HNF4G: variants seen among roughly 807,000 people sequenced by gnomAD.
The protein encoded by HNF4G is hepatocyte nuclear factor 4 gamma.
A neutral mutation model predicts 50.9 loss-of-function variants in HNF4G; 21 were observed. The ratio of observed to expected loss-of-function variants is 0.41; its 90% CI spans 0.29 to 0.59. The LOEUF (loss-of-function observed/expected upper bound fraction) is 0.59. HNF4G is among the 20% of genes least tolerant of loss of function. HNF4G has a pLI of 0.26. For missense variants in HNF4G, 527 were observed against 559.4 expected, an observed-to-expected ratio of 0.94 and a Z score of 0.58; for synonymous variants, 198 against 185.6, an observed-to-expected ratio of 1.07 and a Z score of -0.54.
chr8:75,564,041 C>T lies in HNF4G; in HGVS notation c.1313C>T (p.Ala438Val), dbSNP rs1431347415. ...GSGQEQYKIAANQASVISHQH... is the reference protein window; with the variant it reads ...GSGQEQYKIAVNQASVISHQH... ...GGGCAAGAACAGTACAAAATAGCTG[C>T]AAACCAAGCATCAGTCATTTCACAC... The change falls in exon 10 of 10, where the codon GCA (alanine) becomes GTA (valine). Residue 438 changes from alanine (A) to valine (V), a missense_variant. Around this residue, in one of 5 missense-constraint regions of HNF4G, gnomAD observed 308 missense variants for 301.5 expected, o/e 1.02. Coordinates refer to ENST00000396423, the MANE Select transcript of HNF4G (RefSeq NM_004133.5). 9 of 1,613,658 alleles carry T rather than the reference C, an allele frequency of 5.6e-6. No homozygotes were observed. Among genetic ancestry groups the T allele is most frequent in the Non-Finnish European group, 5.9e-6 (7 of 1,179,668 alleles).
intron 1 of HNF4G, among the ~76,000 whole-genome samples, chr8:75,429,261 C>T (rs1338407887): frequency 6.6e-6 from 1 of 152,152 alleles, no homozygotes; most frequent in African/African-American, 2.4e-5. Flanking sequence ...GGATCAGGTA[C>T]TGACTCAATT....
rs564964102 is a variant in HNF4G, at chr8:75,415,441, A to G, written c.-144+7279A>G. Among the ~76,000 whole-genome samples, 108 of 152,310 alleles carry G rather than the reference A, an allele frequency of 7.1e-4. No homozygotes were observed. In the South Asian group the frequency reaches 0.014, roughly 20 times the overall value. On this transcript the variant is annotated intron_variant, in intron 1 of 10. Coordinates refer to the HNF4G transcript ENST00000354370. Reference sequence around the variant, plus strand: ...AAAAAATTGGATTTATGAGGCCTCAATATGGAGTAAAATAGAAAAAGGTGA... The same window carrying G: ...AAAAAATTGGATTTATGAGGCCTCAGTATGGAGTAAAATAGAAAAAGGTGA...
chr8:75,500,303 AT>A (rs574387393), intron 2 of HNF4G, among the ~76,000 whole-genome samples: 24 of 152,190 alleles, frequency 1.6e-4, no homozygotes, highest in Non-Finnish European at 2.9e-4. Flanking sequence ...GGAAAATGCA[AT>A]TTAAAACAAT....
chr8:75,547,464 G>T (rs1806818663), intron 2 of HNF4G, 123 bp from the exon 3 acceptor site: 2 of 686,530 alleles, frequency 2.9e-6, no homozygotes, highest in East Asian at 2.6e-5. Flanking sequence ...ATAGCTGATT[G>T]TTCCTATACC....
intron 2 of HNF4G, among the ~76,000 whole-genome samples, chr8:75,530,793 G>GTTTT: frequency 1.4e-5 from 1 of 73,460 alleles, no homozygotes; most frequent in African/African-American, 1.2e-4. Flanking sequence ...TGTTCAATGT[G>GTTTT]CTTTTTTTTT....
intron 1 of HNF4G, among the ~76,000 whole-genome samples, chr8:75,412,823 G>A (rs1381335237): frequency 8.6e-5 from 13 of 151,798 alleles, no homozygotes; most frequent in African/African-American, 1.9e-4. Flanking sequence ...GTCTCTACAC[G>A]GTACCTGGAA....
At chr8:75,409,966 CAG>C (rs1241142820) in intron 1 of HNF4G, among the ~76,000 whole-genome samples, 5 of 152,090 alleles carry the variant, frequency 3.3e-5, no homozygotes, top group African/African-American at 4.8e-5. Flanking sequence ...GTGTATAACA[CAG>C]ACAGTTTTAT....
At chr8:75,466,599 TCC>T in intron 1 of HNF4G, among the ~76,000 whole-genome samples, 1 of 119,516 alleles carries the variant, frequency 8.4e-6, no homozygotes, top group Admixed American at 8.3e-5. Flanking sequence ...CTTCCTTCCT[TCC>T]TTCCTTCCTT....
intron 2 of HNF4G, among the ~76,000 whole-genome samples, chr8:75,523,510 C>T (rs1806101009): frequency 6.6e-6 from 1 of 152,082 alleles, no homozygotes; most frequent in Non-Finnish European, 1.5e-5. Flanking sequence ...ATATAATAAA[C>T]TAATGTTTTC....
chr8:75,531,653 A>G (rs140400143), intron 2 of HNF4G, among the ~76,000 whole-genome samples: 5 of 152,236 alleles, frequency 3.3e-5, no homozygotes, highest in African/African-American at 1.2e-4. Context: ...CAGACTGAAG[A>G]TATTTTCAAA....
At chr8:75,511,510 T>C (rs1406287922) in intron 2 of HNF4G, among the ~76,000 whole-genome samples, 1 of 152,274 alleles carries the variant, frequency 6.6e-6, no homozygotes, top group East Asian at 1.9e-4. Flanking sequence ...CAAAGTTGAA[T>C]TAAAGCTGTA....
chr8:75,554,005 C>T (rs954378128), intron 5 of HNF4G, among the ~76,000 whole-genome samples: 5 of 151,870 alleles, frequency 3.3e-5, no homozygotes, highest in African/African-American at 1.2e-4. Context: ...GAAAAATTCC[C>T]TTTCTCTCAC....
At position 75,420,256 on chromosome 8, in the gene HNF4G, G is replaced by A. The variant is rs143869565; in HGVS notation, c.-144+12094G>A. Among the ~76,000 whole-genome samples, 5 of 152,256 alleles carry A rather than the reference G, an allele frequency of 3.3e-5. No individual in the cohort carries two copies. The East Asian group carries it at 5.8e-4, about 18-fold the overall frequency. On this transcript the variant is annotated intron_variant, in intron 1 of 10. Transcript: ENST00000354370. ...TATGTTGTCTGAGCCAATTGTGTAC[G>A]TGGACAACTGCTGTAAGTCTACGAA...
At chr8:75,560,602 A>C in intron 9 of HNF4G, 136 bp downstream of exon 9, 1 of 682,788 alleles carries the variant, frequency 1.5e-6, no homozygotes, top group Non-Finnish European at 2.4e-6. Flanking sequence ...TCAGCAGTAG[A>C]AGACTGTTAT....
At chr8:75,550,458 G>A (rs1032927839) in intron 3 of HNF4G, among the ~76,000 whole-genome samples, 24 of 151,856 alleles carry the variant, frequency 1.6e-4, no homozygotes, top group African/African-American at 5.3e-4. Context: ...GACTACAAGC[G>A]TGTGCCACCA....
At chr8:75,510,766 T>G (rs553312424) in intron 2 of HNF4G, among the ~76,000 whole-genome samples, 1 of 152,180 alleles carries the variant, frequency 6.6e-6, no homozygotes, top group Non-Finnish European at 1.5e-5. Context: ...TGCCTAACAA[T>G]GCATTTCTCA....
rs199833298 is a variant in HNF4G, at chr8:75,532,349, AT to A, written c.-23-11461del. Among the ~76,000 whole-genome samples, 1,322 of 152,240 alleles carry A rather than the reference AT, an allele frequency of 8.7e-3. 13 individuals carry two copies. The highest frequency in any genetic ancestry group is 0.029 in the African/African-American group (1,191 of 41,572). ...TATTGTAAATACTAGAACATAAAAA[AT>A]AATAATGATTAATACTGGTGACATT... On this transcript the variant is annotated intron_variant, in intron 2 of 10. Coordinates refer to the HNF4G transcript ENST00000354370.
intron 1 of HNF4G, among the ~76,000 whole-genome samples, chr8:75,413,535 C>T (rs1364116215): frequency 2.0e-5 from 3 of 152,088 alleles, no homozygotes; most frequent in African/African-American, 7.2e-5. Flanking sequence ...AGAAACAACT[C>T]TTTCCTAAAG....
intron 2 of HNF4G, among the ~76,000 whole-genome samples, chr8:75,546,727 A>T (rs2943554): frequency 0.66 from 100,977 of 152,024 alleles, 35,399 homozygotes; most frequent in African/African-American, 0.9. Context: ...CAAATAATAA[A>T]ATTCCACTGT....
Sources: allele counts gnomAD v4.1 joint callset (sites outside exome capture counted in the v4.1 genomes callset), GRCh38; gene constraint gnomAD v4.1.1; regional missense constraint gnomAD v4.1.1; transcripts MANE v1.5; gene names NCBI Gene and HGNC (gene_info 2026-07-23, HGNC 2026-07-21).